OTOF: variants seen among roughly 807,000 people sequenced by gnomAD.
The protein encoded by OTOF is otoferlin.
Under a neutral mutation model 236.8 loss-of-function variants are expected in OTOF, and 218 were observed. That is an observed-to-expected ratio of 0.92 (90% CI 0.82 to 1.03). The LOEUF (loss-of-function observed/expected upper bound fraction) is 1.03. OTOF is among the 50% of genes least tolerant of loss of function. OTOF has a pLI of 0.00. For synonymous variants in OTOF, 1,041 were observed against 1,072.5 expected (o/e 0.97, Z 0.57); for missense variants, 2,590 against 2,694.4 (o/e 0.96, Z 0.86).
At chr2:26,493,509 G>C (rs996460065) in intron 9 of OTOF, among the ~76,000 whole-genome samples, 1 of 152,216 alleles carries the variant, frequency 6.6e-6, no homozygotes, top group Non-Finnish European at 1.5e-5. Flanking sequence ...GGGTTAGTCT[G>C]ATGTGTGATC....
chr2:26,500,859 G>A (rs869439), intron 8 of OTOF, among the ~76,000 whole-genome samples: 97,189 of 152,040 alleles, frequency 0.64, 32,021 homozygotes, highest in East Asian at 0.88. Flanking sequence ...CTAGGCATCA[G>A]AGATAAAGCT....
At chr2:26,501,306 C>T (rs1047691028) in intron 8 of OTOF, among the ~76,000 whole-genome samples, 5 of 152,228 alleles carry the variant, frequency 3.3e-5, no homozygotes, top group Non-Finnish European at 2.9e-5. Flanking sequence ...AAATCACTCA[C>T]AGTCTCACCA....
chr2:26,544,844 T>C (rs1667291155), intron 1 of OTOF, among the ~76,000 whole-genome samples: 1 of 151,758 alleles, frequency 6.6e-6, no homozygotes, highest in East Asian at 1.9e-4. Context: ...GAGACCATCA[T>C]GGCTAACACG....
At chr2:26,491,031 G>T (rs935172892) in intron 9 of OTOF, among the ~76,000 whole-genome samples, 2 of 152,118 alleles carry the variant, frequency 1.3e-5, no homozygotes, top group African/African-American at 4.8e-5. Flanking sequence ...AGATACCTGG[G>T]GAGAGCATGG....
intron 2 of OTOF, among the ~76,000 whole-genome samples, chr2:26,530,197 G>A (rs1025428177): frequency 2.0e-5 from 3 of 152,156 alleles, no homozygotes; most frequent in Non-Finnish European, 4.4e-5. Context: ...AAAAGGACAT[G>A]ACTTTGGAGA....
At chr2:26,491,034 G>A (rs537371714) in intron 9 of OTOF, among the ~76,000 whole-genome samples, 1 of 152,286 alleles carries the variant, frequency 6.6e-6, no homozygotes, top group South Asian at 2.1e-4. Flanking sequence ...TACCTGGGGA[G>A]AGCATGGGAG....
At chr2:26,465,329 G>A (rs553336299) in intron 38 of OTOF, among the ~76,000 whole-genome samples, 2 of 152,204 alleles carry the variant, frequency 1.3e-5, no homozygotes, top group Non-Finnish European at 2.9e-5. Context: ...AACCAGAGAG[G>A]TGAAGGGACT....
At chr2:26,540,238 C>T (rs1411947621) in intron 1 of OTOF, among the ~76,000 whole-genome samples, 1 of 152,194 alleles carries the variant, frequency 6.6e-6, no homozygotes, top group Non-Finnish European at 1.5e-5. Context: ...AGCCGAAAGA[C>T]GAATACCTTT....
chr2:26,539,413 A>G (rs1433332920), intron 1 of OTOF, among the ~76,000 whole-genome samples: 2 of 152,232 alleles, frequency 1.3e-5, no homozygotes, highest in Non-Finnish European at 2.9e-5. Context: ...TATTTCTTCT[A>G]TGAAGAGACA....
In OTOF at chr2:26,480,963, G is replaced by A. The variant is rs1245560907; in HGVS notation, c.1626C>T (p.Ser542=). The A allele has an allele frequency of 1.9e-6, 3 of 1,612,924 alleles. No homozygotes were observed. The highest frequency in any genetic ancestry group is 1.7e-5 in the Admixed American group (1 of 60,004). Residue 542 remains serine (S), a synonymous_variant, in exon 15 of 47, where the codon TCC becomes TCT. Transcript: ENST00000272371. Reference sequence around the variant, plus strand: ...CATCCAGCAGCGTGTAGTTACGTGTGGAGCCGTACATGTTCACCCAGGCTG... The same window carrying A: ...CATCCAGCAGCGTGTAGTTACGTGTAGAGCCGTACATGTTCACCCAGGCTG... ...LGPAWVNMYG[S]TRNYTLLDEH... is the part of the protein sequence containing the mutation.
chr2:26,458,473 G>C (rs1262685680), intron 46 of OTOF, among the ~76,000 whole-genome samples: 1 of 152,232 alleles, frequency 6.6e-6, no homozygotes, highest in Admixed American at 6.5e-5. Flanking sequence ...TGCAGCATGG[G>C]GCAGCCTTGG....
intron 18 of OTOF, among the ~76,000 whole-genome samples, chr2:26,478,425 A>T (rs2148053658): frequency 6.6e-6 from 1 of 152,272 alleles, no homozygotes; most frequent in African/African-American, 2.4e-5. Flanking sequence ...CATTTTTATA[A>T]AATATGAGCT....
At chr2:26,530,268 T>C (rs993513585) in intron 2 of OTOF, among the ~76,000 whole-genome samples, 2 of 150,762 alleles carry the variant, frequency 1.3e-5, no homozygotes, top group Admixed American at 1.3e-4. Context: ...CTAAGGGACC[T>C]GGGGAGGGAG....
chr2:26,479,293 TG>T lies in OTOF; in HGVS notation c.2184del (p.Asn729ThrfsTer14). 1 of 1,612,992 alleles carries T rather than the reference TG, an allele frequency of 6.2e-7. No individual in the cohort carries two copies. The highest frequency in any genetic ancestry group is 1.3e-5 in the African/African-American group (1 of 75,060). On this transcript the variant is annotated frameshift_variant, in exon 18 of 47. Coordinates refer to ENST00000272371, the MANE Select transcript of OTOF (RefSeq NM_194248.3). LOFTEE classifies it high-confidence loss of function. ...WPDQRRRLYN[A>X]NIMDHIADKL... ...TTGTCGGCAATGTGGTCCATGATGT[TG>T]GCATTGTAGAGGCGGCGGCGCTGGT...
At chr2:26,513,561 G>T (rs1197314348) in intron 5 of OTOF, among the ~76,000 whole-genome samples, 1 of 152,190 alleles carries the variant, frequency 6.6e-6, no homozygotes, top group African/African-American at 2.4e-5. Flanking sequence ...TGATCCCCAC[G>T]CCGGACCCTA....
chr2:26,532,199 C>T lies in OTOF; in HGVS notation c.139-4279G>A, dbSNP rs1378715221. 5.3e-5 allele frequency among the ~76,000 whole-genome samples: 8 copies of T among 151,520 alleles called. 1 individual carries two copies. In the South Asian group the frequency reaches 1.5e-3, roughly 28 times the overall value. ...CAGAGCACATTTACCCATAACCAAG[C>T]TCACAGCAACATGGCAAAGATGTGC... is the stretch of plus-strand genomic sequence containing the variant. On this transcript the variant is annotated intron_variant, in intron 2 of 46. Coordinates refer to ENST00000272371, the MANE Select transcript of OTOF (RefSeq NM_194248.3).
intron 5 of OTOF, among the ~76,000 whole-genome samples, chr2:26,510,449 G>T (rs1367498083): frequency 6.6e-6 from 1 of 152,006 alleles, no homozygotes; most frequent in Non-Finnish European, 1.5e-5. Flanking sequence ...AGAGGAGGAT[G>T]GTCACCCCCG....
rs574562219 is a variant in OTOF, at chr2:26,464,157, A to G, written c.4961-51T>C. 8.5e-5 allele frequency: 136 copies of G among 1,607,842 alleles called. 1 individual carries two copies. In the Admixed American group the frequency reaches 2.2e-3, roughly 25 times the overall value. ...ACACATGGCTCAGCAGAACCAGAAGACCTTTGCTGGGACTAGGGACTTAGG... is the reference window on the plus strand; with the variant it reads ...ACACATGGCTCAGCAGAACCAGAAGGCCTTTGCTGGGACTAGGGACTTAGG... On this transcript the variant is annotated intron_variant, in intron 39 of 46. Transcript: ENST00000272371.
At chr2:26,466,641 T>A (rs1664739566) in intron 36 of OTOF, 73 bp downstream of exon 36, 1 of 1,571,672 alleles carries the variant, frequency 6.4e-7, no homozygotes, top group Non-Finnish European at 8.8e-7. Context: ...CTGGCCAGTA[T>A]GCAGCTTCTT....
Sources: allele counts gnomAD v4.1 joint callset (sites outside exome capture counted in the v4.1 genomes callset), GRCh38; gene constraint gnomAD v4.1.1; transcripts MANE v1.5; gene names NCBI Gene and HGNC (gene_info 2026-07-23, HGNC 2026-07-21).